The following MRPL48 variants were observed in gnomAD, a reference collection of about 807,000 sequenced individuals.
MRPL48 encodes mitochondrial ribosomal protein L48.
MRPL48 carries 16 observed loss-of-function variants against 32.9 expected under a neutral mutation model. The ratio of observed to expected loss-of-function variants is 0.49; its 90% CI spans 0.33 to 0.74. The LOEUF (loss-of-function observed/expected upper bound fraction) is 0.74. Ranked by LOEUF, MRPL48 falls within the 30% of genes least tolerant of loss-of-function variation. The pLI, the probability that MRPL48 is intolerant of heterozygous loss-of-function variation, is 0.02. For synonymous variants in MRPL48, 94 were observed against 89.2 expected (o/e 1.05, Z -0.31); for missense variants, 206 against 245.3 (o/e 0.84, Z 1.07).
chr11:73,794,184 GTATC>G (rs56944899), intron 1 of MRPL48, among the ~76,000 whole-genome samples: 6,778 of 139,206 alleles, frequency 0.049, 190 homozygotes, highest in East Asian at 0.1. Context: ...GTGAGACCCT[GTATC>G]TATCTATCTA....
At chr11:73,805,820 C>T (rs1251432356) in intron 2 of MRPL48, among the ~76,000 whole-genome samples, 5 of 151,564 alleles carry the variant, frequency 3.3e-5, no homozygotes, top group Non-Finnish European at 5.9e-5. Flanking sequence ...TAGCATGCCC[C>T]ATTCGTTTTT....
At chr11:73,804,913 A>G in intron 1 of MRPL48, 114 bp from the exon 2 acceptor site, 1 of 852,214 alleles carries the variant, frequency 1.2e-6, no homozygotes, top group Non-Finnish European at 1.8e-6. Context: ...GTTAGATAAG[A>G]GCCTTTTTGT....
At chr11:73,812,329 A>G (rs1454550827) in intron 3 of MRPL48, among the ~76,000 whole-genome samples, 1 of 152,012 alleles carries the variant, frequency 6.6e-6, no homozygotes, top group African/African-American at 2.4e-5. Flanking sequence ...GGTCGTTTTT[A>G]GTTTTTTGCT....
chr11:73,805,259 G>C (rs1438021579), intron 2 of MRPL48, among the ~76,000 whole-genome samples, 180 bp downstream of exon 2: 1 of 150,192 alleles, frequency 6.7e-6, no homozygotes, highest in African/African-American at 2.5e-5. Flanking sequence ...AGTTGCTGAG[G>C]CCAAAATACT....
chr11:73,838,245 T>C (rs896044385), intron 4 of MRPL48, among the ~76,000 whole-genome samples: 2 of 152,138 alleles, frequency 1.3e-5, no homozygotes, highest in Non-Finnish European at 2.9e-5. Context: ...TGAGAAAAAT[T>C]GTGTAGATAA....
At chr11:73,804,284 C>CT (rs909375251) in intron 1 of MRPL48, among the ~76,000 whole-genome samples, 64 of 146,588 alleles carry the variant, frequency 4.4e-4, no homozygotes, top group East Asian at 1.0e-3. Flanking sequence ...AGTCAGTCCT[C>CT]TTTTTTTTTT....
intron 1 of MRPL48, among the ~76,000 whole-genome samples, chr11:73,791,432 T>C (rs1947151221): frequency 6.6e-6 from 1 of 152,054 alleles, no homozygotes; most frequent in South Asian, 2.1e-4. Context: ...TAAATTTTGT[T>C]TTGAGACAGG....
intron 3 of MRPL48, among the ~76,000 whole-genome samples, chr11:73,814,687 C>A (rs1365944220): frequency 4.8e-5 from 7 of 145,896 alleles, no homozygotes; most frequent in African/African-American, 1.5e-4. Flanking sequence ...AAGAGTGAGA[C>A]TGTCTCAAGA....
At chr11:73,844,757 A>G in intron 4 of MRPL48, 50 bp from the exon 5 acceptor site, 2 of 1,543,372 alleles carry the variant, frequency 1.3e-6, no homozygotes, top group Non-Finnish European at 1.7e-6. Flanking sequence ...GTATTATTAG[A>G]ATTTCTTGTA....
At chr11:73,851,974 A>G (rs191118350) in intron 5 of MRPL48, among the ~76,000 whole-genome samples, 1 of 152,226 alleles carries the variant, frequency 6.6e-6, no homozygotes, top group East Asian at 1.9e-4. Context: ...ATGTACATAC[A>G]TACCGAGAGA....
Position 73,834,398 on chromosome 11 carries a change from G to C in MRPL48, c.201+8602G>C, listed in dbSNP as rs144553983. On this transcript the variant is annotated intron_variant, in intron 4 of 7. Coordinates refer to ENST00000310614, the MANE Select transcript of MRPL48 (RefSeq NM_016055.6). ...TACTTCTATCTCATGGTTTGAGATG[G>C]CTGCTCCCTCTTTAGCCACTATGTT... Among the ~76,000 whole-genome samples, 64 of 152,308 alleles carry C rather than the reference G, an allele frequency of 4.2e-4. No homozygotes were observed. In the East Asian group the frequency reaches 0.012, roughly 28 times the overall value.
At chr11:73,804,068 C>T (rs1051741617) in intron 1 of MRPL48, among the ~76,000 whole-genome samples, 4 of 151,180 alleles carry the variant, frequency 2.6e-5, no homozygotes, top group African/African-American at 9.7e-5. Flanking sequence ...TACATATGCC[C>T]GCCACCATGC....
At chr11:73,852,204 A>G (rs1247592591) in intron 5 of MRPL48, among the ~76,000 whole-genome samples, 2 of 152,086 alleles carry the variant, frequency 1.3e-5, no homozygotes, top group African/African-American at 4.8e-5. Context: ...CTGGTTGCAC[A>G]TTTCTTGTCT....
chr11:73,802,465 T>G (rs907171001), intron 1 of MRPL48, among the ~76,000 whole-genome samples: 4 of 152,154 alleles, frequency 2.6e-5, no homozygotes, highest in Non-Finnish European at 5.9e-5. Context: ...CCCTTAGCAG[T>G]CATCCACAGC....
intron 7 of MRPL48, 59 bp from the exon 8 acceptor site, chr11:73,864,237 A>C (rs1387809150): frequency 6.6e-7 from 1 of 1,517,650 alleles, no homozygotes; most frequent in African/African-American, 1.4e-5. Flanking sequence ...TGCTGTGCAT[A>C]TCTGGGTAAC....
At chr11:73,793,495 CA>C (rs1433315469) in intron 1 of MRPL48, among the ~76,000 whole-genome samples, 1 of 152,170 alleles carries the variant, frequency 6.6e-6, no homozygotes. Flanking sequence ...TCTGAGCAGT[CA>C]CAAAAGTTTT....
intron 2 of MRPL48, among the ~76,000 whole-genome samples, chr11:73,806,559 AAAATGTTT>A (rs1947457689): frequency 6.6e-6 from 1 of 152,150 alleles, no homozygotes. Context: ...TTTATATATA[AAAATGTTT>A]AACTGTCTTT....
At chr11:73,843,240 C>CTTTTTT (rs1948225301) in intron 4 of MRPL48, 3 of 97,080 alleles carry the variant, frequency 3.1e-5, no homozygotes, top group Non-Finnish European at 6.4e-5. Context: ...TTTTTTTTTC[C>CTTTTTT]CTTGAGATGG....
chr11:73,792,423 G>A (rs1454850907), intron 1 of MRPL48, among the ~76,000 whole-genome samples: 2 of 152,158 alleles, frequency 1.3e-5, no homozygotes, highest in African/African-American at 2.4e-5. Flanking sequence ...GATCACTAAT[G>A]GTGTGCCAAG....
Sources: allele counts gnomAD v4.1 joint callset (sites outside exome capture counted in the v4.1 genomes callset), GRCh38; gene constraint gnomAD v4.1.1; transcripts MANE v1.5; gene names NCBI Gene and HGNC (gene_info 2026-07-23, HGNC 2026-07-21).